Variants in KAZN observed in about 807,000 individuals in gnomAD.
The protein encoded by KAZN is kazrin.
Under a neutral mutation model 87.4 loss-of-function variants are expected in KAZN, and 40 were observed. The observed-to-expected ratio is 0.46, with a 90% CI of 0.36 to 0.60. KAZN has a LOEUF of 0.60. KAZN is among the 20% of genes least tolerant of loss of function. KAZN has a pLI of 0.00. For synonymous variants in KAZN, 466 were observed against 458.3 expected (o/e 1.02, Z -0.22); for missense variants, 898 against 1,073.9 (o/e 0.84, Z 2.29).
chr1:14,907,593 C>G (rs768306303), intron 1 of KAZN, among the ~76,000 whole-genome samples: 2 of 152,048 alleles, frequency 1.3e-5, no homozygotes, highest in Non-Finnish European at 2.9e-5. Flanking sequence ...GCTCAGGGTA[C>G]AAAGACGAGG....
At chr1:14,071,077 C>T (rs941038854) in intron 1 of KAZN, among the ~76,000 whole-genome samples, 1 of 152,054 alleles carries the variant, frequency 6.6e-6, no homozygotes, top group Non-Finnish European at 1.5e-5. Flanking sequence ...GGGCGAAACC[C>T]AGGGTTCCTT....
chr1:14,672,985 C>G (rs1053434326), intron 1 of KAZN, among the ~76,000 whole-genome samples: 1 of 152,092 alleles, frequency 6.6e-6, no homozygotes, highest in Non-Finnish European at 1.5e-5. Context: ...CAAAAGAGGC[C>G]GAGAACGTTT....
intron 2 of KAZN, among the ~76,000 whole-genome samples, chr1:14,961,662 T>C (rs1312022472): frequency 1.3e-5 from 2 of 152,202 alleles, no homozygotes; most frequent in East Asian, 1.9e-4. Context: ...GGGGTCTGCA[T>C]TGATTCTCTT....
chr1:14,672,471 C>A (rs990305940), intron 1 of KAZN, among the ~76,000 whole-genome samples: 1 of 152,142 alleles, frequency 6.6e-6, no homozygotes, highest in Non-Finnish European at 1.5e-5. Flanking sequence ...GGCTCTTTCT[C>A]GAAGAGCTCC....
chr1:14,402,430 G>C (rs995544043), intron 2 of KAZN, among the ~76,000 whole-genome samples: 2 of 152,050 alleles, frequency 1.3e-5, no homozygotes, highest in African/African-American at 2.4e-5. Context: ...CAAAAGCCTT[G>C]CAAGAACTTT....
intron 1 of KAZN, among the ~76,000 whole-genome samples, chr1:14,853,161 G>C (rs1389059868): frequency 3.3e-5 from 5 of 152,198 alleles, no homozygotes; most frequent in Non-Finnish European, 7.3e-5. Context: ...GAGGATTCCA[G>C]ATGAAGCAGA....
intron 2 of KAZN, among the ~76,000 whole-genome samples, chr1:14,268,765 C>T (rs1273617238): frequency 4.6e-5 from 7 of 152,332 alleles, no homozygotes; most frequent in African/African-American, 1.4e-4. Context: ...CCAATTTTCA[C>T]AGCCAGGTTG....
intron 2 of KAZN, among the ~76,000 whole-genome samples, chr1:14,970,712 G>A (rs1277259054): frequency 6.6e-6 from 1 of 152,212 alleles, no homozygotes; most frequent in Non-Finnish European, 1.5e-5. Flanking sequence ...TAGATTCCGT[G>A]ATGTCTTAAG....
At chr1:13,935,854 A>T (rs1266788578) in intron 1 of KAZN, among the ~76,000 whole-genome samples, 1 of 136,118 alleles carries the variant, frequency 7.3e-6, no homozygotes, top group Admixed American at 7.9e-5. Context: ...AATTACTTTT[A>T]CATCCTAATG....
intron 1 of KAZN, among the ~76,000 whole-genome samples, chr1:14,767,301 T>A (rs1300587556): frequency 6.6e-6 from 1 of 152,206 alleles, no homozygotes; most frequent in African/African-American, 2.4e-5. Context: ...GTTCTGTTTT[T>A]CACCTGAGCT....
intron 1 of KAZN, among the ~76,000 whole-genome samples, chr1:13,938,234 G>A (rs1279906015): frequency 6.6e-6 from 1 of 152,150 alleles, no homozygotes; most frequent in Non-Finnish European, 1.5e-5. Context: ...TCCTTGTAGA[G>A]ATCGTTCAGC....
intron 2 of KAZN, among the ~76,000 whole-genome samples, chr1:14,470,971 C>T (rs1395917237): frequency 1.3e-5 from 2 of 152,164 alleles, no homozygotes; most frequent in Non-Finnish European, 2.9e-5. Flanking sequence ...GGAGAGGTCC[C>T]ATGGTGAGGT....
chr1:14,464,731 G>A (rs1276308325), intron 2 of KAZN, among the ~76,000 whole-genome samples: 1 of 151,846 alleles, frequency 6.6e-6, no homozygotes, highest in Non-Finnish European at 1.5e-5. Flanking sequence ...AGTAGAGACA[G>A]GGTTTCACCA....
At chr1:13,934,602 G>C (rs1243100471) in intron 1 of KAZN, among the ~76,000 whole-genome samples, 2 of 152,174 alleles carry the variant, frequency 1.3e-5, no homozygotes, top group African/African-American at 4.8e-5. Context: ...AATCTCACTG[G>C]TCTGTCCAGA....
At chr1:13,939,811 A>G (rs1308348989) in intron 1 of KAZN, among the ~76,000 whole-genome samples, 1 of 152,172 alleles carries the variant, frequency 6.6e-6, no homozygotes, top group African/African-American at 2.4e-5. Context: ...GCTTTCACTT[A>G]TGGCAGCAGG....
At chr1:14,572,290 T>C (rs1049817197) in intron 2 of KAZN, among the ~76,000 whole-genome samples, 1 of 152,148 alleles carries the variant, frequency 6.6e-6, no homozygotes, top group Admixed American at 6.5e-5. Context: ...GGCACGGCAT[T>C]GTACAAAGGC....
intron 1 of KAZN, among the ~76,000 whole-genome samples, chr1:14,658,899 A>G (rs1638974861): frequency 6.6e-6 from 1 of 152,294 alleles, no homozygotes; most frequent in Non-Finnish European, 1.5e-5. Context: ...GACTGGCAAG[A>G]GCTTCCACTT....
chr1:14,392,921 C>A (rs946977495), intron 2 of KAZN, among the ~76,000 whole-genome samples: 5 of 152,124 alleles, frequency 3.3e-5, no homozygotes, highest in African/African-American at 1.2e-4. Flanking sequence ...GTCTTCTGGT[C>A]AGGAGGGGAG....
chr1:14,722,378 ATTAAG>A (rs925206017), intron 1 of KAZN, among the ~76,000 whole-genome samples: 98 of 152,340 alleles, frequency 6.4e-4, no homozygotes, highest in African/African-American at 2.2e-3. Flanking sequence ...TTCTCAGGTC[ATTAAG>A]TTATTATAAT....
Sources: gnomAD v4.1 joint callset for allele counts (sites outside exome capture counted in the v4.1 genomes callset) on GRCh38, gnomAD v4.1.1 for gene constraint, MANE v1.5 for transcripts, NCBI Gene and HGNC (gene_info 2026-07-23, HGNC 2026-07-21) for gene names.